NOMO1: variants seen among roughly 807,000 people sequenced by gnomAD.
NOMO1 encodes nodal modulator 3.
In NOMO1, 40 loss-of-function variants were observed where a neutral mutation model predicts 133.8. That is an observed-to-expected ratio of 0.30 (90% CI 0.23 to 0.39). The LOEUF (loss-of-function observed/expected upper bound fraction) is 0.39, where lower values mean the gene tolerates loss of function less well. Ranked by LOEUF, NOMO1 falls within the 10% of genes least tolerant of loss-of-function variation. The pLI is 1.00. For synonymous variants in NOMO1, 236 were observed against 570.5 expected (o/e 0.41, Z 8.36); for missense variants, 462 against 1,419.9 (o/e 0.33, Z 10.84).
In NOMO1 at chr16:14,866,830, G is replaced by A. The variant is rs561000273; in HGVS notation, c.1806+139G>A. 227 of 1,571,960 alleles carry A rather than the reference G, an allele frequency of 1.4e-4. 3 individuals carry two copies. Among genetic ancestry groups the A allele is most frequent in the Middle Eastern group, 4.6e-4 (2 of 4,334 alleles). ...GCCTCTCCACTCGCCCACCTGTTAC[G>A]CAACGCATAATCAGGAAGCATTTAT... On this transcript the variant is annotated intron_variant, in intron 15 of 30. Coordinates refer to ENST00000287667, the MANE Select transcript of NOMO1 (RefSeq NM_014287.4).
intron 29 of NOMO1, among the ~76,000 whole-genome samples, chr16:14,892,884 A>T (rs1270195741): frequency 1.3e-4 from 16 of 119,346 alleles, no homozygotes; most frequent in Non-Finnish European, 2.8e-4. Flanking sequence ...CCTCCGCGTG[A>T]TGAGTGGCTC....
intron 1 of NOMO1, among the ~76,000 whole-genome samples, chr16:14,834,679 T>A (rs1280471146): frequency 7.8e-6 from 1 of 128,036 alleles, no homozygotes; most frequent in East Asian, 2.9e-4. Flanking sequence ...TAGAGATTTG[T>A]GCTGAAGGTT....
chr16:14,893,506 G>A (rs1269761331), intron 29 of NOMO1, among the ~76,000 whole-genome samples: 1 of 152,004 alleles, frequency 6.6e-6, no homozygotes, highest in Admixed American at 6.6e-5. Flanking sequence ...TTTTAAGTAA[G>A]TGTTTACTTC....
In NOMO1 at chr16:14,886,852, G is replaced by C. The variant is rs1465362207; in HGVS notation, c.3314G>C (p.Arg1105Thr). The change falls in exon 28 of 31, where the codon AGA becomes ACA. Residue 1105 changes from arginine to threonine, a missense_variant. Physicochemically the swap from Arg to Thr is moderately conservative, Grantham distance 71. Coordinates refer to ENST00000287667, the MANE Select transcript of NOMO1 (RefSeq NM_014287.4). ...SLFFHFPPLL[R>T]DGENYVVLLD... ...TTCTTCCATTTCCCCCCACTGCTCA[G>C]AGACGGCGAGGTAATGCCTGTGGCC... The C allele has an allele frequency of 5.6e-6, 9 of 1,611,708 alleles. No homozygotes were observed. The highest frequency in any genetic ancestry group is 7.6e-6 in the Non-Finnish European group (9 of 1,179,846).
chr16:14,874,401 G>A (rs1964123762), intron 18 of NOMO1, among the ~76,000 whole-genome samples: 1 of 151,942 alleles, frequency 6.6e-6, no homozygotes. Flanking sequence ...TTTGCACTTG[G>A]CATCGCTTTT....
chr16:14,875,081 G>A lies in NOMO1; in HGVS notation c.2100G>A (p.Lys700=). The A allele has an allele frequency of 6.2e-7, 1 of 1,613,752 alleles. No homozygotes were observed. Among genetic ancestry groups the A allele is most frequent in the Non-Finnish European group, 8.5e-7 (1 of 1,179,770 alleles). The part of the protein sequence containing the change: ...SEPALVLGPL[K]SVQELRREQQ... Reference sequence around the variant, plus strand: ...CCGCCTTGGTCTTAGGCCCTCTGAAGTCTGTGCAGGAGCTGCGGAGGGAGC... The same window carrying A: ...CCGCCTTGGTCTTAGGCCCTCTGAAATCTGTGCAGGAGCTGCGGAGGGAGC... Residue 700 remains lysine, a synonymous_variant, in exon 19 of 31, where the codon AAG becomes AAA. Coordinates refer to ENST00000287667, the MANE Select transcript of NOMO1 (RefSeq NM_014287.4).
intron 18 of NOMO1, among the ~76,000 whole-genome samples, chr16:14,874,405 C>T (rs539123109): frequency 6.6e-6 from 1 of 152,120 alleles, no homozygotes; most frequent in African/African-American, 2.4e-5. Context: ...CACTTGGCAT[C>T]GCTTTTCCCA....
At chr16:14,890,475 ATCC>A (rs1389161098) in intron 29 of NOMO1, among the ~76,000 whole-genome samples, 1 of 150,238 alleles carries the variant, frequency 6.7e-6, no homozygotes, top group Non-Finnish European at 1.5e-5. Context: ...ATATCCTCCG[ATCC>A]TCCTTTTTCC....
intron 23 of NOMO1, among the ~76,000 whole-genome samples, chr16:14,879,241 A>G (rs1388744976): frequency 2.6e-5 from 4 of 151,688 alleles, no homozygotes; most frequent in Non-Finnish European, 5.9e-5. Context: ...TTCAAGATGC[A>G]GTCGGAGGCC....
rs924858921 is a variant in NOMO1, at chr16:14,874,321, G to A, written c.2055-715G>A. Among the ~76,000 whole-genome samples, 35 of 151,838 alleles carry A rather than the reference G, an allele frequency of 2.3e-4. 2 individuals carry two copies. The highest frequency in any genetic ancestry group is 8.2e-4 in the African/African-American group (34 of 41,256). On this transcript the variant is annotated intron_variant, in intron 18 of 30. Coordinates refer to ENST00000287667, the MANE Select transcript of NOMO1 (RefSeq NM_014287.4). ...TCTGTTGGATATGACTCTTCCGTGG[G>A]CCCCTGTGCCCCAGGCTGGACTGGT...
At chr16:14,894,240 C>T (rs1192580629) in intron 29 of NOMO1, among the ~76,000 whole-genome samples, 4 of 152,210 alleles carry the variant, frequency 2.6e-5, no homozygotes, top group South Asian at 2.1e-4. Flanking sequence ...TGTCTCATTG[C>T]GCTGTTCCAG....
At chr16:14,845,810 C>CT (rs944492968) in intron 4 of NOMO1, among the ~76,000 whole-genome samples, 3 of 150,652 alleles carry the variant, frequency 2.0e-5, no homozygotes, top group Non-Finnish European at 4.4e-5. Context: ...AATGGTGAAT[C>CT]TTTTTTTATT....
intron 1 of NOMO1, among the ~76,000 whole-genome samples, chr16:14,836,917 G>A (rs1273852488): frequency 1.3e-4 from 20 of 151,548 alleles, no homozygotes; most frequent in Admixed American, 1.3e-3. Context: ...TTGTTAGCCA[G>A]GATGGTCTCG....
chr16:14,858,739 A>C (rs542162782), intron 11 of NOMO1, among the ~76,000 whole-genome samples: 2 of 152,180 alleles, frequency 1.3e-5, no homozygotes, highest in Non-Finnish European at 2.9e-5. Flanking sequence ...TTTGAGCATT[A>C]ATATAACAAG....
At chr16:14,885,453 A>G (rs1764801221) in intron 27 of NOMO1, among the ~76,000 whole-genome samples, 2 of 152,104 alleles carry the variant, frequency 1.3e-5, no homozygotes, top group African/African-American at 4.8e-5. Flanking sequence ...AGAAATGTTT[A>G]TAAAATACCC....
In NOMO1 at chr16:14,866,628, T is replaced by G; in HGVS notation, c.1743T>G (p.Ser581=). The G allele has an allele frequency of 6.2e-7, 1 of 1,609,838 alleles. No individual in the cohort carries two copies. Among genetic ancestry groups the G allele is most frequent in the Non-Finnish European group, 8.5e-7 (1 of 1,179,696 alleles). Residue 581 remains serine (S), a synonymous_variant, in exon 15 of 31, where the codon TCT becomes TCG. Transcript: ENST00000287667. Reference sequence around the variant, plus strand: ...TGGAAGTGCTGGAGGATGACATGTCTGCAGTTGAGTTCAGGCAGACGGGCT... The same window carrying G: ...TGGAAGTGCTGGAGGATGACATGTCGGCAGTTGAGTTCAGGCAGACGGGCT... The part of the protein sequence containing the change: ...LEVEVLEDDM[S]AVEFRQTGYM...
chr16:14,871,982 G>A (rs1289773055), intron 17 of NOMO1, among the ~76,000 whole-genome samples: 1 of 152,012 alleles, frequency 6.6e-6, no homozygotes, highest in East Asian at 1.9e-4. Flanking sequence ...CGTCTGTCAA[G>A]TTCAAGTCTG....
chr16:14,847,046 T>C (rs897852308), intron 5 of NOMO1, among the ~76,000 whole-genome samples: 1 of 150,726 alleles, frequency 6.6e-6, no homozygotes, highest in Non-Finnish European at 1.5e-5. Context: ...TTTAAAAAAT[T>C]ATATCAAGTA....
At chr16:14,870,080 C>T (rs926869022) in intron 16 of NOMO1, among the ~76,000 whole-genome samples, 1 of 148,542 alleles carries the variant, frequency 6.7e-6, no homozygotes, top group Non-Finnish European at 1.5e-5. Context: ...CTGTCTGCCA[C>T]TGTCTCTACT....
Sources: allele counts gnomAD v4.1 joint callset (sites outside exome capture counted in the v4.1 genomes callset), GRCh38; gene constraint gnomAD v4.1.1; transcripts MANE v1.5; gene names NCBI Gene and HGNC (gene_info 2026-07-23, HGNC 2026-07-21).